The following GUCY1A2 variants were observed in gnomAD, a reference collection of about 807,000 sequenced individuals.
GUCY1A2 encodes guanylate cyclase 1 soluble subunit alpha 2.
In GUCY1A2, 27 loss-of-function variants were observed where a neutral mutation model predicts 63.5. The observed-to-expected ratio is 0.43, with a 90% CI of 0.31 to 0.59. GUCY1A2 has a LOEUF of 0.59. GUCY1A2 is among the 20% of genes least tolerant of loss of function. The pLI is 0.11. For synonymous variants in GUCY1A2, 364 were observed against 343.5 expected (o/e 1.06, Z -0.66); for missense variants, 768 against 913.3 (o/e 0.84, Z 2.05).
chr11:106,962,205 T>A (rs1861066475), intron 3 of GUCY1A2, among the ~76,000 whole-genome samples: 1 of 152,128 alleles, frequency 6.6e-6, no homozygotes, highest in Non-Finnish European at 1.5e-5. Flanking sequence ...ATTATTTAGT[T>A]GAAAATTTTG....
At chr11:106,852,204 T>A (rs559986522) in intron 4 of GUCY1A2, among the ~76,000 whole-genome samples, 1 of 152,124 alleles carries the variant, frequency 6.6e-6, no homozygotes, top group South Asian at 2.1e-4. Flanking sequence ...TCTAAGAGAT[T>A]CTTTTTTATG....
intron 6 of GUCY1A2, among the ~76,000 whole-genome samples, chr11:106,755,441 G>A (rs1040329595): frequency 6.6e-6 from 1 of 151,698 alleles, no homozygotes; most frequent in African/African-American, 2.4e-5. Flanking sequence ...GTGATGTTAG[G>A]GTGTCGATTT....
At chr11:106,708,780 T>G (rs1174873947) in intron 6 of GUCY1A2, 114 bp from the exon 7 acceptor site, 13 of 625,056 alleles carry the variant, frequency 2.1e-5, no homozygotes, top group Non-Finnish European at 3.0e-5. Context: ...AACTATGAGC[T>G]CCTCAAAGAC....
chr11:106,898,864 G>A (rs1266067396), intron 4 of GUCY1A2, among the ~76,000 whole-genome samples: 1 of 152,110 alleles, frequency 6.6e-6, no homozygotes, highest in African/African-American at 2.4e-5. Flanking sequence ...GGACTATAAT[G>A]ATGTATCAGT....
intron 6 of GUCY1A2, among the ~76,000 whole-genome samples, chr11:106,739,630 T>A (rs1328443897): frequency 1.3e-5 from 2 of 152,218 alleles, no homozygotes; most frequent in Non-Finnish European, 2.9e-5. Context: ...GCTATAACCC[T>A]CAATTCTCTT....
intron 4 of GUCY1A2, chr11:106,826,449 T>C (rs1188053760): frequency 3.8e-6 from 6 of 1,576,950 alleles, no homozygotes; most frequent in Non-Finnish European, 5.2e-6. Flanking sequence ...CTCCATATGA[T>C]GAAAGATTCA....
intron 4 of GUCY1A2, among the ~76,000 whole-genome samples, chr11:106,915,059 G>A (rs75764262): frequency 0.031 from 4,730 of 152,184 alleles, 237 homozygotes; most frequent in African/African-American, 0.11. Flanking sequence ...ACAAAAGCAG[G>A]AAACTCACTG....
chr11:106,893,123 T>G (rs182251085), intron 4 of GUCY1A2, among the ~76,000 whole-genome samples: 1 of 152,328 alleles, frequency 6.6e-6, no homozygotes, highest in East Asian at 1.9e-4. Context: ...TATCTGTTCT[T>G]TTTGATATTT....
chr11:106,837,419 T>C (rs961166718), intron 4 of GUCY1A2, among the ~76,000 whole-genome samples: 2 of 151,994 alleles, frequency 1.3e-5, no homozygotes, highest in African/African-American at 4.8e-5. Flanking sequence ...GTTGATTCCA[T>C]GTCTTTGCTG....
Position 106,682,545 on chromosome 11 carries a change from G to A in GUCY1A2, c.*5004C>T, listed in dbSNP as rs1386122486. 1 of 211,250 alleles carries A rather than the reference G, an allele frequency of 4.7e-6. No homozygotes were observed. The highest frequency in any genetic ancestry group is 9.6e-6 in the Non-Finnish European group (1 of 104,154). 13.1% of individuals were successfully genotyped at this position (211,250 alleles called of 1,614,324 possible). A position where few individuals can be genotyped will look rare whatever the true frequency, so the allele number is the denominator to read the frequency against. The stretch of plus-strand genomic sequence containing the variant: ...CCACTGAACTAGGTCATTTCTTAAG[G>A]ATGGGATGGCAATGAGGTACTTAAC... On this transcript the variant is annotated 3_prime_UTR_variant, in exon 8 of 8. Coordinates refer to ENST00000526355, the MANE Select transcript of GUCY1A2 (RefSeq NM_000855.3).
At chr11:106,890,581 G>C (rs1859960324) in intron 4 of GUCY1A2, among the ~76,000 whole-genome samples, 1 of 152,084 alleles carries the variant, frequency 6.6e-6, no homozygotes, top group Admixed American at 6.5e-5. Context: ...ACCTTAACCT[G>C]CCACACTTAC....
Position 106,683,249 on chromosome 11 carries a change from CTA to C in GUCY1A2, c.*4298_*4299del, listed in dbSNP as rs1862461477. 1 of 217,078 alleles carries C rather than the reference CTA, an allele frequency of 4.6e-6. No homozygotes were observed. Among genetic ancestry groups the C allele is most frequent in the South Asian group, 1.9e-4 (1 of 5,380 alleles). The allele number at this position is 217,078 out of a possible 1,614,324, so 13.4% of individuals were successfully genotyped here. A position where few individuals can be genotyped will look rare whatever the true frequency, so the allele number is the denominator to read the frequency against. ...TGACATAATTTTTGTAGCTGAAGGTCTATAATCTAATAGTAGAAAAAACTAAG... is the reference window on the plus strand; with the variant it reads ...TGACATAATTTTTGTAGCTGAAGGTCTAATCTAATAGTAGAAAAAACTAAG... On this transcript the variant is annotated 3_prime_UTR_variant, in exon 8 of 8. Transcript: ENST00000526355.
At chr11:106,938,032 G>T (rs553159027) in intron 4 of GUCY1A2, among the ~76,000 whole-genome samples, 2 of 152,020 alleles carry the variant, frequency 1.3e-5, no homozygotes, top group African/African-American at 4.8e-5. Context: ...CTGCCTCCTG[G>T]GTTCAAGCGA....
At chr11:106,782,116 A>G (rs189597744) in intron 5 of GUCY1A2, among the ~76,000 whole-genome samples, 170 of 152,262 alleles carry the variant, frequency 1.1e-3, no homozygotes, top group African/African-American at 3.9e-3. Context: ...TCCCTGTTCC[A>G]TGGGACTGGT....
At chr11:106,766,914 G>A (rs1043300580) in intron 6 of GUCY1A2, among the ~76,000 whole-genome samples, 13 of 151,988 alleles carry the variant, frequency 8.6e-5, no homozygotes, top group African/African-American at 2.7e-4. Context: ...CACATTTACT[G>A]TCTCTACCAG....
At chr11:106,754,840 G>A (rs12418916) in intron 6 of GUCY1A2, among the ~76,000 whole-genome samples, 2 of 152,060 alleles carry the variant, frequency 1.3e-5, no homozygotes, top group Non-Finnish European at 2.9e-5. Context: ...TCTCTGCCAG[G>A]TTTTGGTATC....
intron 4 of GUCY1A2, among the ~76,000 whole-genome samples, chr11:106,922,764 G>A (rs1022028434): frequency 1.4e-5 from 2 of 147,712 alleles, no homozygotes; most frequent in Non-Finnish European, 1.5e-5. Flanking sequence ...AAATATATAT[G>A]AGTAGTTAAT....
intron 1 of GUCY1A2, among the ~76,000 whole-genome samples, chr11:106,997,634 G>A (rs1173057891): frequency 1.5e-4 from 6 of 39,386 alleles, no homozygotes; most frequent in African/African-American, 4.2e-4. Flanking sequence ...CCCCCCACCC[G>A]AGCAAGACTA....
intron 3 of GUCY1A2, among the ~76,000 whole-genome samples, chr11:106,944,555 T>G (rs903558769): frequency 1.3e-5 from 2 of 152,112 alleles, no homozygotes; most frequent in Non-Finnish European, 2.9e-5. Flanking sequence ...AGGTTTAATA[T>G]CTGAGTGGCG....
Sources: gnomAD v4.1 joint callset for allele counts (sites outside exome capture counted in the v4.1 genomes callset) on GRCh38, gnomAD v4.1.1 for gene constraint, MANE v1.5 for transcripts, NCBI Gene and HGNC (gene_info 2026-07-23, HGNC 2026-07-21) for gene names.